GFOD1: variants seen among roughly 807,000 people sequenced by gnomAD.
GFOD1 encodes glucose-fructose oxidoreductase domain-containing protein 1.
In GFOD1, 9 loss-of-function variants were observed where a neutral mutation model predicts 25.4. The observed-to-expected ratio is 0.35, with a 90% CI of 0.21 to 0.62. GFOD1 has a LOEUF of 0.62. GFOD1 is among the 20% of genes least tolerant of loss of function. The probability of loss-of-function intolerance (pLI) is 0.72; values close to 1 mark genes in which losing one functional copy is unlikely to be tolerated. For missense variants in GFOD1, 403 were observed against 556.9 expected (o/e 0.72, Z 2.78); for synonymous variants, 253 against 245.6 (o/e 1.03, Z -0.28).
intron 1 of GFOD1, chr6:13,470,730 C>T: frequency 7.0e-7 from 1 of 1,421,014 alleles, no homozygotes; most frequent in Non-Finnish European, 9.2e-7. Context: ...GAAGAGCCTG[C>T]CAGGGACACA....
chr6:13,363,842 G>T lies in GFOD1; in HGVS notation c.*901C>A, dbSNP rs1346008495. The T allele has an allele frequency of 6.6e-6, 1 of 152,174 alleles. No homozygotes were observed. The highest frequency in any genetic ancestry group is 1.5e-5 in the Non-Finnish European group (1 of 68,030). 9.4% of individuals were successfully genotyped at this position (152,174 alleles called of 1,614,324 possible). A position where few individuals can be genotyped will look rare whatever the true frequency, so the allele number is the denominator to read the frequency against. On this transcript the variant is annotated 3_prime_UTR_variant, in exon 2 of 2. Transcript: ENST00000379287. ...TACTTTGTGCTGTCTTCTTGGCCCT[G>T]CCTGGAGAGCCACGTGGCAGGGCTA...
At chr6:13,426,421 G>A (rs1786353552) in intron 1 of GFOD1, among the ~76,000 whole-genome samples, 1 of 152,202 alleles carries the variant, frequency 6.6e-6, no homozygotes, top group Non-Finnish European at 1.5e-5. Flanking sequence ...CAAGGGAAAT[G>A]GGAGCAGTGA....
chr6:13,366,199 T>C (rs940204202), intron 1 of GFOD1, among the ~76,000 whole-genome samples: 9 of 152,188 alleles, frequency 5.9e-5, no homozygotes, highest in African/African-American at 2.2e-4. Flanking sequence ...TTGTTTGTTT[T>C]TGAGACAGAA....
At chr6:13,480,518 T>C (rs1218340717) in intron 1 of GFOD1, among the ~76,000 whole-genome samples, 1 of 152,074 alleles carries the variant, frequency 6.6e-6, no homozygotes, top group East Asian at 1.9e-4. Flanking sequence ...AGGAATCTGG[T>C]TTTTATTTTA....
At chr6:13,380,036 T>C (rs1785329016) in intron 1 of GFOD1, among the ~76,000 whole-genome samples, 1 of 152,200 alleles carries the variant, frequency 6.6e-6, no homozygotes. Flanking sequence ...TCCTGACCCA[T>C]GAAAAGTGCT....
intron 1 of GFOD1, among the ~76,000 whole-genome samples, chr6:13,424,269 C>T (rs1485388371): frequency 6.6e-6 from 1 of 152,180 alleles, no homozygotes; most frequent in Non-Finnish European, 1.5e-5. Context: ...GGGTTGGAGG[C>T]TGCCCTCACA....
rs1271776031 is a variant in GFOD1, at chr6:13,360,039, C to T, written c.*4704G>A. 6.6e-6 allele frequency: 1 copy of T among 152,286 alleles called. No homozygotes were observed. The highest frequency in any genetic ancestry group is 1.5e-5 in the Non-Finnish European group (1 of 68,156). The allele number at this position is 152,286 out of a possible 1,614,324, so 9.4% of individuals were successfully genotyped here. A position where few individuals can be genotyped will look rare whatever the true frequency, so the allele number is the denominator to read the frequency against. ...CTAATTCCAACTTCTCTGCCACTAGCCACAGGACTTCAGACAAGTCACTTC... is the reference window on the plus strand; with the variant it reads ...CTAATTCCAACTTCTCTGCCACTAGTCACAGGACTTCAGACAAGTCACTTC... On this transcript the variant is annotated 3_prime_UTR_variant, in exon 2 of 2. Coordinates refer to ENST00000379287, the MANE Select transcript of GFOD1 (RefSeq NM_018988.4).
intron 1 of GFOD1, among the ~76,000 whole-genome samples, chr6:13,431,316 A>G (rs777607758): frequency 6.6e-6 from 1 of 152,232 alleles, no homozygotes; most frequent in Non-Finnish European, 1.5e-5. Context: ...AGGCTCAGAA[A>G]TGTTAAGCAA....
At chr6:13,427,048 A>C (rs1757644350) in intron 1 of GFOD1, among the ~76,000 whole-genome samples, 1 of 152,198 alleles carries the variant, frequency 6.6e-6, no homozygotes, top group South Asian at 2.1e-4. Flanking sequence ...GTAAACTACA[A>C]GGAAGCGGGC....
At chr6:13,480,700 T>C (rs1387481480) in intron 1 of GFOD1, among the ~76,000 whole-genome samples, 1 of 152,144 alleles carries the variant, frequency 6.6e-6, no homozygotes, top group African/African-American at 2.4e-5. Context: ...TTGCCCAGGC[T>C]GATCTCGAAG....
In GFOD1 at chr6:13,358,533, G is replaced by C. The variant is rs190965879; in HGVS notation, c.*6210C>G. 8.4e-4 allele frequency: 128 copies of C among 152,318 alleles called. No homozygotes were observed. The highest frequency in any genetic ancestry group is 2.9e-3 in the African/African-American group (120 of 41,556). 9.4% of individuals were successfully genotyped at this position (152,318 alleles called of 1,614,324 possible). On this transcript the variant is annotated 3_prime_UTR_variant, in exon 2 of 2. Transcript: ENST00000379287. ...AGGCACAGGGCAGAATACTAAATACGTCCAGGTGCCTGAAAGAGAAGGAAG... is the reference window on the plus strand; with the variant it reads ...AGGCACAGGGCAGAATACTAAATACCTCCAGGTGCCTGAAAGAGAAGGAAG...
intron 1 of GFOD1, among the ~76,000 whole-genome samples, chr6:13,428,488 T>G (rs1347235511): frequency 7.6e-6 from 1 of 131,180 alleles, no homozygotes; most frequent in Non-Finnish European, 1.6e-5. Flanking sequence ...TCCATCACCT[T>G]CTGATCTCAG....
At chr6:13,409,429 A>G (rs1786030860) in intron 1 of GFOD1, among the ~76,000 whole-genome samples, 1 of 152,186 alleles carries the variant, frequency 6.6e-6, no homozygotes, top group Admixed American at 6.5e-5. Context: ...AATCCTAAGA[A>G]GAAAATGAAA....
chr6:13,398,755 C>T (rs547007950), intron 1 of GFOD1, among the ~76,000 whole-genome samples: 4 of 152,274 alleles, frequency 2.6e-5, no homozygotes, highest in South Asian at 2.1e-4. Flanking sequence ...CAATAAATGG[C>T]GACTCCACTT....
At position 13,441,911 on chromosome 6, in the gene GFOD1, A is replaced by G. The variant is rs529269630; in HGVS notation, c.253+44727T>C. On this transcript the variant is annotated intron_variant, in intron 1 of 1. Transcript: ENST00000379287. ...TGGCTGCAGCCTGTCCTGGCTGCTC[A>G]GGATACAAGGAGAGAACCAGCCCTG... Among the ~76,000 whole-genome samples, 14 of 152,344 alleles carry G rather than the reference A, an allele frequency of 9.2e-5. No homozygotes were observed. In the South Asian group the frequency reaches 2.5e-3, roughly 27 times the overall value.
chr6:13,466,061 G>T (rs942168875), intron 1 of GFOD1, among the ~76,000 whole-genome samples: 1 of 152,086 alleles, frequency 6.6e-6, no homozygotes, highest in African/African-American at 2.4e-5. Context: ...CAAGAGTAAA[G>T]TTACTGCTAG....
At chr6:13,413,702 G>A (rs1786117353) in intron 1 of GFOD1, among the ~76,000 whole-genome samples, 1 of 152,170 alleles carries the variant, frequency 6.6e-6, no homozygotes, top group South Asian at 2.1e-4. Context: ...ACCACCCCCT[G>A]GACCATGGGA....
At chr6:13,398,549 A>G (rs991293402) in intron 1 of GFOD1, among the ~76,000 whole-genome samples, 2 of 152,220 alleles carry the variant, frequency 1.3e-5, no homozygotes, top group African/African-American at 4.8e-5. Context: ...CCTATTTTGT[A>G]TATTTAACCC....
At chr6:13,385,817 G>T (rs1785462310) in intron 1 of GFOD1, among the ~76,000 whole-genome samples, 1 of 152,164 alleles carries the variant, frequency 6.6e-6, no homozygotes, top group Non-Finnish European at 1.5e-5. Flanking sequence ...GGAAGTCAAA[G>T]CACTTATAGA....
Sources: allele counts gnomAD v4.1 joint callset (sites outside exome capture counted in the v4.1 genomes callset), GRCh38; gene constraint gnomAD v4.1.1; transcripts MANE v1.5; gene names NCBI Gene and HGNC (gene_info 2026-07-23, HGNC 2026-07-21).